Variants in UNC5D observed in about 807,000 individuals in gnomAD.
The protein encoded by UNC5D is netrin receptor UNC5D.
UNC5D carries 39 observed loss-of-function variants against 105.4 expected under a neutral mutation model. The ratio of observed to expected loss-of-function variants is 0.37; its 90% confidence interval spans 0.29 to 0.48. The LOEUF is 0.48. Among genes scored for constraint, UNC5D ranks in the 20% least tolerant of loss-of-function variants. The probability of loss-of-function intolerance (pLI) is 0.98; values close to 1 mark genes in which losing one functional copy is unlikely to be tolerated. For synonymous variants in UNC5D, 452 were observed against 450.4 expected, an observed-to-expected ratio of 1.00 and a Z score of -0.04; for missense variants, 991 against 1,202.4, an observed-to-expected ratio of 0.82 and a Z score of 2.60.
chr8:35,365,591 CAAAAAAAAAAAAA>C (rs10715369), intron 1 of UNC5D, among the ~76,000 whole-genome samples: 10 of 49,886 alleles, frequency 2.0e-4, no homozygotes, highest in Admixed American at 3.4e-4. Context: ...CCATCCCCTG[CAAAAAAAAAAAAA>C]AAAAAAAAAA....
chr8:35,411,164 A>G (rs530194371), intron 1 of UNC5D, among the ~76,000 whole-genome samples: 1 of 152,146 alleles, frequency 6.6e-6, no homozygotes, highest in East Asian at 1.9e-4. Context: ...GTGCTATTCT[A>G]GCGACGACCC....
chr8:35,566,812 G>A (rs1352024542), intron 2 of UNC5D, among the ~76,000 whole-genome samples: 2 of 152,058 alleles, frequency 1.3e-5, no homozygotes, highest in Admixed American at 1.3e-4. Context: ...TCTCCCAACC[G>A]GCCTATCCTA....
At chr8:35,615,048 C>CCG (rs1820943170) in intron 4 of UNC5D, among the ~76,000 whole-genome samples, 1 of 127,888 alleles carries the variant, frequency 7.8e-6, no homozygotes. Flanking sequence ...CCCCCCCCCC[C>CCG]CGTCCCCCAC....
In UNC5D at chr8:35,663,436, G is replaced by T. The variant is rs180962499; in HGVS notation, c.571-20111G>T. Among the ~76,000 whole-genome samples, 279 of 152,282 alleles carry T rather than the reference G, an allele frequency of 1.8e-3. 1 individual carries two copies. The highest frequency in any genetic ancestry group is 6.5e-3 in the African/African-American group (272 of 41,564). The stretch of plus-strand genomic sequence containing the variant: ...ACCATTGATTGCAATAGCAACTGTG[G>T]GATTTGACAGTTTGAGCCTTCTGGC... On this transcript the variant is annotated intron_variant, in intron 4 of 16. Transcript: ENST00000404895.
rs57681405 is a variant in UNC5D, at chr8:35,587,965, AATATATATATAT to A, written c.467-7571_467-7560del. Among the ~76,000 whole-genome samples the A allele has an allele frequency of 6.3e-4, 66 of 105,096 alleles. 3 individuals carry two copies. Among genetic ancestry groups the A allele is most frequent in the South Asian group, 1.2e-3 (3 of 2,536 alleles). 68.9% of individuals were successfully genotyped at this position (105,096 alleles called of 152,430 possible). ...TTAGGGTTTTTCCTATAACTATAAT[AATATATATATAT>A]ATATATATATATATATACTAATCCC... On this transcript the variant is annotated intron_variant, in intron 3 of 16. Coordinates refer to ENST00000404895, the MANE Select transcript of UNC5D (RefSeq NM_080872.4).
At chr8:35,443,493 T>C (rs1043099626) in intron 1 of UNC5D, among the ~76,000 whole-genome samples, 4 of 151,854 alleles carry the variant, frequency 2.6e-5, no homozygotes, top group Admixed American at 1.3e-4. Flanking sequence ...TATGGCATCA[T>C]CTTCTGCTGC....
chr8:35,479,931 AT>A (rs1474769150), intron 1 of UNC5D, among the ~76,000 whole-genome samples: 1 of 152,124 alleles, frequency 6.6e-6, no homozygotes, highest in Non-Finnish European at 1.5e-5. Flanking sequence ...TAAAATGAAA[AT>A]AGTAAAAGAA....
chr8:35,369,442 A>G (rs1474261213), intron 1 of UNC5D, among the ~76,000 whole-genome samples: 1 of 152,138 alleles, frequency 6.6e-6, no homozygotes, highest in Non-Finnish European at 1.5e-5. Context: ...AAACACTAAT[A>G]GGGAAGATTT....
At chr8:35,401,913 G>GACT (rs1388381765) in intron 1 of UNC5D, among the ~76,000 whole-genome samples, 7 of 152,122 alleles carry the variant, frequency 4.6e-5, no homozygotes, top group African/African-American at 2.4e-5. Context: ...TCATCTCCTG[G>GACT]ACTGTGTTCT....
chr8:35,437,591 C>T (rs1807105511), intron 1 of UNC5D, among the ~76,000 whole-genome samples: 1 of 152,070 alleles, frequency 6.6e-6, no homozygotes, highest in Non-Finnish European at 1.5e-5. Flanking sequence ...ATTTTATTGG[C>T]TTCCTATAAA....
intron 7 of UNC5D, among the ~76,000 whole-genome samples, chr8:35,694,698 T>C (rs1826636084): frequency 6.7e-6 from 1 of 150,012 alleles, no homozygotes. Flanking sequence ...ATAACTATAG[T>C]GTGTGTGTGT....
At chr8:35,502,806 C>G (rs1812056638) in intron 1 of UNC5D, among the ~76,000 whole-genome samples, 2 of 151,874 alleles carry the variant, frequency 1.3e-5, no homozygotes, top group African/African-American at 2.4e-5. Flanking sequence ...ACCTCGTGAT[C>G]TGCCCACCTC....
Position 35,235,769 on chromosome 8 carries a change from G to C in UNC5D, c.-16G>C, listed in dbSNP as rs577070104. 1 of 1,229,704 alleles carries C rather than the reference G, an allele frequency of 8.1e-7. No individual in the cohort carries two copies. Among genetic ancestry groups the C allele is most frequent in the East Asian group, 3.2e-5 (1 of 31,420 alleles). The allele number at this position is 1,229,704 out of a possible 1,614,324, so 76.2% of individuals were successfully genotyped here. On this transcript the variant is annotated 5_prime_UTR_variant, in exon 1 of 17. Transcript: ENST00000404895. ...GAGCGTGAAGAAGAGCCGCCCTCCG[G>C]AACGCGGCGAGGAGCATGGGGAGAG... is the stretch of plus-strand genomic sequence containing the variant.
At chr8:35,324,760 T>C (rs1235170556) in intron 1 of UNC5D, among the ~76,000 whole-genome samples, 2 of 152,190 alleles carry the variant, frequency 1.3e-5, no homozygotes, top group Non-Finnish European at 2.9e-5. Context: ...TTGATCAAAT[T>C]AGTAACTTGC....
intron 4 of UNC5D, among the ~76,000 whole-genome samples, chr8:35,626,604 T>C (rs1360496910): frequency 6.6e-6 from 1 of 152,202 alleles, no homozygotes; most frequent in Non-Finnish European, 1.5e-5. Context: ...TACGAGTGCT[T>C]GAAAATGATT....
rs142009228 is a variant in UNC5D, at chr8:35,353,040, G to T, written c.103+117153G>T. The stretch of plus-strand genomic sequence containing the variant: ...TACAAATATGGCCCTAAATGTAGAA[G>T]CCATTGAAGTAAAGTTTGACAAATT... On this transcript the variant is annotated intron_variant, in intron 1 of 16. Coordinates refer to ENST00000404895, the MANE Select transcript of UNC5D (RefSeq NM_080872.4). Among the ~76,000 whole-genome samples, 402 of 152,150 alleles carry T rather than the reference G, an allele frequency of 2.6e-3. 1 individual carries two copies. Among genetic ancestry groups the T allele is most frequent in the Non-Finnish European group, 4.6e-3 (314 of 67,992 alleles).
chr8:35,634,399 C>G (rs1386073666), intron 4 of UNC5D, among the ~76,000 whole-genome samples: 1 of 152,174 alleles, frequency 6.6e-6, no homozygotes, highest in Non-Finnish European at 1.5e-5. Flanking sequence ...AATAGAAACA[C>G]TATAGCAAAA....
At position 35,796,491 on chromosome 8, in the gene UNC5D, G is replaced by A. The variant is rs1031245591; in HGVS notation, c.*5928G>A. On this transcript the variant is annotated 3_prime_UTR_variant, in exon 17 of 17. Transcript: ENST00000404895. ...GACTTTTCAAGATAAATGTACAGACGTAAATTACTGCATATCAGTTATTTA... is the reference window on the plus strand; with the variant it reads ...GACTTTTCAAGATAAATGTACAGACATAAATTACTGCATATCAGTTATTTA... 6.8e-6 allele frequency: 1 copy of A among 147,908 alleles called. No homozygotes were observed. The highest frequency in any genetic ancestry group is 2.5e-5 in the African/African-American group (1 of 39,870). The allele number at this position is 147,908 out of a possible 1,614,324, so 9.2% of individuals were successfully genotyped here. A position where few individuals can be genotyped will look rare whatever the true frequency, so the allele number is the denominator to read the frequency against.
At chr8:35,263,551 C>A (rs1192126177) in intron 1 of UNC5D, among the ~76,000 whole-genome samples, 1 of 152,162 alleles carries the variant, frequency 6.6e-6, no homozygotes, top group Non-Finnish European at 1.5e-5. Flanking sequence ...CATGCCACTG[C>A]ACCTGACTAA....
Sources: allele counts gnomAD v4.1 joint callset (sites outside exome capture counted in the v4.1 genomes callset), GRCh38; gene constraint gnomAD v4.1.1; transcripts MANE v1.5; gene names NCBI Gene and HGNC (gene_info 2026-07-23, HGNC 2026-07-21).